The following PCDHA6 variants were observed in gnomAD, a reference collection of about 807,000 sequenced individuals.
The protein encoded by PCDHA6 is protocadherin alpha 6, also known as protocadherin alpha-6.
PCDHA6 carries 55 observed loss-of-function variants against 60.3 expected under a neutral mutation model. The ratio of observed to expected loss-of-function variants is 0.91; its 90% CI spans 0.73 to 1.14. PCDHA6 has a LOEUF of 1.14. PCDHA6 is among the 50% of genes most tolerant of loss of function. The pLI is 0.00. For missense variants in PCDHA6, 1,327 were observed against 1,256.5 expected, an observed-to-expected ratio of 1.06 and a Z score of -0.85; for synonymous variants, 652 against 557.9, an observed-to-expected ratio of 1.17 and a Z score of -2.38.
At chr5:140,831,018 G>C (rs1251776319) in intron 1 of PCDHA6, 1 of 152,212 alleles carries the variant, frequency 6.6e-6, no homozygotes, top group Non-Finnish European at 1.5e-5. Flanking sequence ...TCCCTTTTCA[G>C]ACTTGTGATT....
intron 1 of PCDHA6, among the ~76,000 whole-genome samples, chr5:140,953,196 TA>T (rs1166571162): frequency 6.6e-6 from 1 of 152,156 alleles, no homozygotes; most frequent in Non-Finnish European, 1.5e-5. Context: ...TTGATTAGAC[TA>T]AAAATGCAAA....
intron 1 of PCDHA6, chr5:140,865,048 T>A (rs2048709545): frequency 1.3e-5 from 2 of 152,178 alleles, no homozygotes; most frequent in Admixed American, 1.3e-4. Flanking sequence ...AAAAATGTCA[T>A]TGTTTTTAAT....
At chr5:140,894,317 A>G (rs2064424513) in intron 1 of PCDHA6, among the ~76,000 whole-genome samples, 1 of 152,034 alleles carries the variant, frequency 6.6e-6, no homozygotes, top group Non-Finnish European at 1.5e-5. Flanking sequence ...TTCTTAAATT[A>G]TAGATTTTAG....
chr5:141,003,343 GCT>G (rs1554259027), intron 3 of PCDHA6, among the ~76,000 whole-genome samples: 1 of 152,198 alleles, frequency 6.6e-6, no homozygotes, highest in Non-Finnish European at 1.5e-5. Context: ...TTGTTTGTTT[GCT>G]CTGTCACCCA....
chr5:140,859,450 G>T, intron 1 of PCDHA6: 1 of 220,914 alleles, frequency 4.5e-6, no homozygotes, highest in Non-Finnish European at 8.7e-6. Context: ...TAGTTGCAGA[G>T]TGACAAAACT....
intron 3 of PCDHA6, among the ~76,000 whole-genome samples, chr5:141,007,673 A>C (rs2098339698): frequency 6.6e-6 from 1 of 152,136 alleles, no homozygotes; most frequent in African/African-American, 2.4e-5. Flanking sequence ...ACAAAGACAA[A>C]AGTTATCCTA....
chr5:140,876,154 A>G, intron 1 of PCDHA6: 1 of 1,613,972 alleles, frequency 6.2e-7, no homozygotes, highest in Non-Finnish European at 8.5e-7. Context: ...GTCTGTCCAG[A>G]TTCAAATAAC....
chr5:141,002,271 T>C (rs942626808), intron 3 of PCDHA6, among the ~76,000 whole-genome samples: 3 of 152,220 alleles, frequency 2.0e-5, no homozygotes, highest in African/African-American at 7.2e-5. Context: ...CCAGAGCTGG[T>C]AACAAAGGGA....
intron 1 of PCDHA6, among the ~76,000 whole-genome samples, chr5:140,941,319 C>CTT (rs70988781): frequency 9.6e-6 from 1 of 104,394 alleles, no homozygotes; most frequent in African/African-American, 3.7e-5. Flanking sequence ...TCTTCTTTCT[C>CTT]TTTTTTTTTT....
At chr5:140,863,749 G>A (rs1346198553) in intron 1 of PCDHA6, 2 of 245,258 alleles carry the variant, frequency 8.2e-6, no homozygotes, top group African/African-American at 2.2e-5. Context: ...TTGTAATCCC[G>A]GCACTTTGGG....
At chr5:140,883,316 G>A in intron 1 of PCDHA6, 1 of 1,614,078 alleles carries the variant, frequency 6.2e-7, no homozygotes, top group East Asian at 2.2e-5. Context: ...CGCCCCAGAG[G>A]TTACCATCAC....
intron 3 of PCDHA6, among the ~76,000 whole-genome samples, chr5:141,002,460 C>T (rs1554258683): frequency 2.0e-5 from 3 of 152,174 alleles, no homozygotes; most frequent in African/African-American, 7.2e-5. Context: ...ATTTGTATAA[C>T]GCTTTAGCAT....
intron 3 of PCDHA6, 32 bp from the exon 4 acceptor site, chr5:141,009,595 C>A (rs781807814): frequency 6.2e-7 from 1 of 1,604,124 alleles, no homozygotes; most frequent in African/African-American, 1.3e-5. Context: ...TGTGTTGACC[C>A]TGTTAATGAT....
intron 1 of PCDHA6, among the ~76,000 whole-genome samples, chr5:140,894,883 A>ACC (rs1407725642): frequency 6.6e-6 from 1 of 152,200 alleles, no homozygotes; most frequent in African/African-American, 2.4e-5. Flanking sequence ...TTTAGAAGAA[A>ACC]CAGACCAGGA....
intron 1 of PCDHA6, chr5:140,929,343 A>G (rs1204297753): frequency 2.0e-6 from 3 of 1,531,032 alleles, no homozygotes; most frequent in Non-Finnish European, 2.6e-6. Context: ...AATTTTATGG[A>G]ATTTGATTCC....
chr5:140,912,497 T>A (rs2075943539), intron 1 of PCDHA6, among the ~76,000 whole-genome samples: 1 of 152,174 alleles, frequency 6.6e-6, no homozygotes. Context: ...ATCTAGGAGC[T>A]TTTTGGATGA....
chr5:140,857,289 G>A lies in PCDHA6; in HGVS notation c.2394+26804G>A, dbSNP rs782361309. The A allele has an allele frequency of 3.8e-6, 6 of 1,598,692 alleles. No homozygotes were observed. In the South Asian group the frequency reaches 4.4e-5, roughly 12 times the overall value. ...TTGGTGCTGGACAGCGCTCTGGACC[G>A]CGAGAGGGTGTCGGCCTATGAGCTG... On this transcript the variant is annotated intron_variant, in intron 1 of 3. Coordinates refer to ENST00000529310, the MANE Select transcript of PCDHA6 (RefSeq NM_018909.4).
At chr5:140,855,757 G>C (rs1242521250) in intron 1 of PCDHA6, 2 of 357,032 alleles carry the variant, frequency 5.6e-6, no homozygotes, top group African/African-American at 2.1e-5. Flanking sequence ...GGCTTTGAAA[G>C]TCCATAGACA....
intron 1 of PCDHA6, among the ~76,000 whole-genome samples, chr5:140,902,686 A>G (rs1038713623): frequency 2.0e-5 from 3 of 152,090 alleles, no homozygotes; most frequent in Non-Finnish European, 4.4e-5. Context: ...CGTACCTAAT[A>G]TGTGTAGTCT....
Sources: allele counts gnomAD v4.1 joint callset (sites outside exome capture counted in the v4.1 genomes callset), GRCh38; gene constraint gnomAD v4.1.1; transcripts MANE v1.5; gene names NCBI Gene and HGNC (gene_info 2026-07-23, HGNC 2026-07-21).